PTPRB: variants seen among roughly 807,000 people sequenced by gnomAD.
PTPRB encodes protein tyrosine phosphatase receptor type B, also known as receptor-type tyrosine-protein phosphatase beta.
Under a neutral mutation model 238.1 loss-of-function variants are expected in PTPRB, and 97 were observed. The observed-to-expected ratio is 0.41, with a 90% CI of 0.35 to 0.48. The LOEUF (loss-of-function observed/expected upper bound fraction) is 0.48, where lower values mean the gene tolerates loss of function less well. Among genes scored for constraint, PTPRB ranks in the 20% least tolerant of loss-of-function variants. The pLI, the probability that PTPRB is intolerant of heterozygous loss-of-function variation, is 0.30. For missense variants in PTPRB, 2,292 were observed against 2,681.9 expected (o/e 0.85, Z 3.21); for synonymous variants, 970 against 995.4 (o/e 0.97, Z 0.48).
intron 10 of PTPRB, among the ~76,000 whole-genome samples, chr12:70,579,142 T>A (rs529346044): frequency 1.4e-4 from 22 of 152,208 alleles, no homozygotes; most frequent in South Asian, 4.2e-4. Context: ...CACTGGGAAA[T>A]GAATGCAAGG....
At chr12:70,562,616 G>A (rs1425769317) in intron 16 of PTPRB, among the ~76,000 whole-genome samples, 2 of 152,088 alleles carry the variant, frequency 1.3e-5, no homozygotes, top group Non-Finnish European at 2.9e-5. Flanking sequence ...CCAAGCCCTA[G>A]GAAGTAAATA....
intron 9 of PTPRB, among the ~76,000 whole-genome samples, chr12:70,583,100 C>T (rs1023742916): frequency 9.9e-5 from 15 of 152,118 alleles, no homozygotes; most frequent in Non-Finnish European, 1.8e-4. Flanking sequence ...AAATTTCATA[C>T]ATTGCTGGTG....
intron 11 of PTPRB, among the ~76,000 whole-genome samples, chr12:70,575,564 T>TA (rs1880590158): frequency 6.6e-6 from 1 of 152,172 alleles, no homozygotes; most frequent in South Asian, 2.1e-4. Flanking sequence ...GAGTGCCTAC[T>TA]AAGCCCCAGG....
At chr12:70,541,804 T>G (rs1875165964) in intron 22 of PTPRB, 1 of 152,212 alleles carries the variant, frequency 6.6e-6, no homozygotes, top group Admixed American at 6.5e-5. Context: ...TTCATTCCTT[T>G]TTATGGTTGA....
At chr12:70,537,302 A>G (rs1042776027) in intron 28 of PTPRB, among the ~76,000 whole-genome samples, 3 of 151,374 alleles carry the variant, frequency 2.0e-5, no homozygotes, top group East Asian at 1.9e-4. Context: ...AAAAAAAAAA[A>G]AAAAAAGAAA....
intron 23 of PTPRB, 98 bp downstream of exon 23, chr12:70,540,760 T>C: frequency 1.1e-6 from 1 of 889,556 alleles, no homozygotes; most frequent in African/African-American, 1.7e-5. Flanking sequence ...CCTGGAAAAA[T>C]TAAATTATTT....
Position 70,622,461 on chromosome 12 carries a change from G to C in PTPRB, c.637C>G (p.His213Asp). 2 of 1,613,384 alleles carry C rather than the reference G, an allele frequency of 1.2e-6. No homozygotes were observed. The highest frequency in any genetic ancestry group is 2.2e-5 in the South Asian group (2 of 91,068). ...GATGTGTCTGTAATTCCAGTCATGT[G>C]CAGATTGGGATGCTGCCTCTCGCTG... ...NSSERQHPNLHMTGITDTSWV... is the reference protein window; with the variant it reads ...NSSERQHPNLDMTGITDTSWV... The change falls in exon 3 of 34, where the codon CAC becomes GAC. Residue 213 changes from histidine to aspartate, a missense_variant. Coordinates refer to ENST00000334414, the MANE Select transcript of PTPRB (RefSeq NM_001109754.4).
At chr12:70,593,841 A>T (rs981441781) in intron 6 of PTPRB, among the ~76,000 whole-genome samples, 1 of 152,336 alleles carries the variant, frequency 6.6e-6, no homozygotes, top group Admixed American at 6.5e-5. Context: ...GAAGCATTAG[A>T]TTCTACTAAA....
chr12:70,526,546 C>G (rs1872470305), intron 32 of PTPRB, among the ~76,000 whole-genome samples: 1 of 152,150 alleles, frequency 6.6e-6, no homozygotes, highest in Non-Finnish European at 1.5e-5. Context: ...GAAGTGAGGC[C>G]TGCAATAATA....
In PTPRB at chr12:70,536,159, C is replaced by T; in HGVS notation, c.5947G>A (p.Gly1983Ser). The T allele has an allele frequency of 6.2e-7, 1 of 1,612,384 alleles. No individual in the cohort carries two copies. The highest frequency in any genetic ancestry group is 8.5e-7 in the Non-Finnish European group (1 of 1,179,096). The change falls in exon 29 of 34, where the codon GGC (glycine) becomes AGC (serine). Residue 1983 changes from glycine to serine, a missense_variant and splice_region_variant. Gly to Ser is a moderately conservative substitution (Grantham distance 56). Coordinates refer to ENST00000334414, the MANE Select transcript of PTPRB (RefSeq NM_001109754.4). The part of the protein sequence containing the change: ...SDYINASYIP[G>S]NNFRREYIVT... ...ATGTATTCTCTTCTGAAGTTGTTGCCCTGCAATGAATTTACAATATGGAGA... is the reference window on the plus strand; with the variant it reads ...ATGTATTCTCTTCTGAAGTTGTTGCTCTGCAATGAATTTACAATATGGAGA...
chr12:70,539,357 C>A, intron 26 of PTPRB: 1 of 548,800 alleles, frequency 1.8e-6, no homozygotes, highest in Non-Finnish European at 3.2e-6. Context: ...AGCTTTAGGT[C>A]TGCATTTGAG....
intron 2 of PTPRB, among the ~76,000 whole-genome samples, chr12:70,635,180 A>G (rs1592616315): frequency 2.0e-5 from 3 of 152,346 alleles, no homozygotes; most frequent in Middle Eastern, 6.8e-3. Context: ...ACAGCAATAC[A>G]AGAGATTTGC....
chr12:70,584,246 A>G (rs746821523), intron 9 of PTPRB, among the ~76,000 whole-genome samples: 1 of 152,218 alleles, frequency 6.6e-6, no homozygotes, highest in Non-Finnish European at 1.5e-5. Context: ...GAGAGAAAAC[A>G]CATGGAAAAT....
intron 11 of PTPRB, among the ~76,000 whole-genome samples, chr12:70,574,689 AG>A (rs1880489484): frequency 6.6e-6 from 1 of 152,218 alleles, no homozygotes; most frequent in Non-Finnish European, 1.5e-5. Context: ...GAAATGGAAA[AG>A]GGCATTAAGA....
intron 16 of PTPRB, 77 bp from the exon 17 acceptor site, chr12:70,561,011 T>A (rs1183252846): frequency 7.0e-7 from 1 of 1,430,406 alleles, no homozygotes; most frequent in Non-Finnish European, 9.7e-7. Flanking sequence ...GAGTATATGC[T>A]ATGTTGGGCA....
chr12:70,541,594 G>A (rs1875126904), intron 22 of PTPRB: 1 of 152,108 alleles, frequency 6.6e-6, no homozygotes, highest in South Asian at 2.1e-4. Flanking sequence ...AAAAGAAACC[G>A]CGTACCTATT....
intron 32 of PTPRB, among the ~76,000 whole-genome samples, chr12:70,528,589 T>C (rs1005680650): frequency 6.6e-6 from 1 of 152,166 alleles, no homozygotes; most frequent in African/African-American, 2.4e-5. Context: ...TCCACTCCAT[T>C]GAGCCCAGGA....
intron 16 of PTPRB, among the ~76,000 whole-genome samples, chr12:70,562,294 ATT>A (rs146346173): frequency 0.042 from 6,336 of 151,072 alleles, 316 homozygotes; most frequent in African/African-American, 0.12. Context: ...CCCCCAAAAC[ATT>A]TTTTTTTGAA....
intron 32 of PTPRB, among the ~76,000 whole-genome samples, chr12:70,530,724 C>T (rs977632193): frequency 1.3e-5 from 2 of 151,940 alleles, no homozygotes; most frequent in African/African-American, 4.8e-5. Context: ...TACTATTTTT[C>T]CTAGTTTTGT....
Sources: allele counts gnomAD v4.1 joint callset (sites outside exome capture counted in the v4.1 genomes callset), GRCh38; gene constraint gnomAD v4.1.1; transcripts MANE v1.5; gene names NCBI Gene and HGNC (gene_info 2026-07-23, HGNC 2026-07-21).